CD163L1: variants seen among roughly 807,000 people sequenced by gnomAD.
CD163L1 encodes the protein CD163 molecule like 1.
Under a neutral mutation model 165.4 loss-of-function variants are expected in CD163L1, and 124 were observed. That is an observed-to-expected ratio of 0.75 (90% CI 0.65 to 0.87). CD163L1 has a LOEUF of 0.87. Ranked by LOEUF, CD163L1 falls within the 40% of genes least tolerant of loss-of-function variation. The pLI is 0.00. For synonymous variants in CD163L1, 585 were observed against 662.2 expected (o/e 0.88, Z 1.79); for missense variants, 1,525 against 1,799.9 (o/e 0.85, Z 2.76).
chr12:7,402,176 C>T (rs147927157), intron 6 of CD163L1, among the ~76,000 whole-genome samples: 135 of 152,014 alleles, frequency 8.9e-4, no homozygotes, highest in African/African-American at 3.1e-3. Context: ...ACAGCCTAAA[C>T]ACCAAGAATA....
chr12:7,421,579 A>G (rs1591955730), intron 4 of CD163L1, among the ~76,000 whole-genome samples: 1 of 128,994 alleles, frequency 7.8e-6, no homozygotes, highest in African/African-American at 3.0e-5. Context: ...ATATACATGT[A>G]CATATATACA....
chr12:7,323,753 A>C, the CD163L1 span, among the ~76,000 whole-genome samples: 1 of 152,232 alleles, frequency 6.6e-6, no homozygotes, highest in Non-Finnish European at 1.5e-5. Flanking sequence ...TGCAGTGGTT[A>C]TCCTCAGAAA....
intron 19 of CD163L1, among the ~76,000 whole-genome samples, chr12:7,356,358 T>C (rs921224926): frequency 2.0e-5 from 3 of 152,150 alleles, no homozygotes; most frequent in African/African-American, 7.2e-5. Flanking sequence ...GTACTTTGCC[T>C]CTGGTTTTTC....
At chr12:7,367,836 G>T (rs1410385851) in intron 17 of CD163L1, among the ~76,000 whole-genome samples, 1 of 152,186 alleles carries the variant, frequency 6.6e-6, no homozygotes, top group Non-Finnish European at 1.5e-5. Context: ...TATCAGCTAA[G>T]ATATTTGCCT....
chr12:7,433,433 T>C lies in CD163L1; in HGVS notation c.386A>G (p.His129Arg). The C allele has an allele frequency of 2.5e-6, 4 of 1,612,672 alleles. No individual in the cohort carries two copies. The highest frequency in any genetic ancestry group is 3.4e-6 in the Non-Finnish European group (4 of 1,179,188). Reference protein sequence around the residue: ...GNESALWECQHREWGSHNCYH... With the variant: ...GNESALWECQRREWGSHNCYH... ...ACAGTTATGGCTTCCCCATTCCCGGTGTTGACATTCCCAGAGAGCTGACTC... is the reference window on the plus strand; with the variant it reads ...ACAGTTATGGCTTCCCCATTCCCGGCGTTGACATTCCCAGAGAGCTGACTC... The change falls in exon 3 of 20, where the codon CAC (histidine) becomes CGC (arginine). Residue 129 changes from histidine to arginine, a missense_variant. Coordinates refer to ENST00000313599, the MANE Select transcript of CD163L1 (RefSeq NM_174941.6).
At chr12:7,373,215 T>G in intron 14 of CD163L1, 105 bp downstream of exon 14, 4 of 940,006 alleles carry the variant, frequency 4.3e-6, no homozygotes, top group Non-Finnish European at 6.4e-6. Context: ...GTCATGCACT[T>G]TTCAGTGAGT....
chr12:7,333,967 A>G, the CD163L1 span, among the ~76,000 whole-genome samples: 11 of 152,032 alleles, frequency 7.2e-5, no homozygotes, highest in African/African-American at 2.4e-4. Flanking sequence ...GAATAGACCA[A>G]TAACAGGCTC....
At position 7,406,744 on chromosome 12, in the gene CD163L1, T is replaced by C; in HGVS notation, c.875A>G (p.Asn292Ser). ...GCATACGACATCAGCTGCAGCATTG[T>C]TCCACTTATGGTGGCATACGGTCCC... Reference protein sequence around the residue: ...RWGTVCHHKWNNAAADVVCKQ... With the variant: ...RWGTVCHHKWSNAAADVVCKQ... Residue 292 changes from asparagine to serine, a missense_variant, in exon 5 of 20, where the codon AAC (asparagine) becomes AGC (serine). Coordinates refer to ENST00000313599, the MANE Select transcript of CD163L1 (RefSeq NM_174941.6). The C allele has an allele frequency of 6.2e-7, 1 of 1,614,040 alleles. No individual in the cohort carries two copies. Among genetic ancestry groups the C allele is most frequent in the Non-Finnish European group, 8.5e-7 (1 of 1,179,984 alleles).
At chr12:7,383,057 C>T (rs901822824) in intron 8 of CD163L1, among the ~76,000 whole-genome samples, 3 of 152,158 alleles carry the variant, frequency 2.0e-5, no homozygotes, top group South Asian at 2.1e-4. Context: ...CCCACTTCCT[C>T]GCAGCAGCAG....
intron 5 of CD163L1, among the ~76,000 whole-genome samples, chr12:7,404,265 A>G (rs1054558340): frequency 2.6e-5 from 4 of 152,196 alleles, no homozygotes; most frequent in African/African-American, 9.7e-5. Context: ...AAAATAAAAT[A>G]GTGTTGGGAA....
the CD163L1 span, chr12:7,328,348 G>A: frequency 1.3e-6 from 2 of 1,593,990 alleles, no homozygotes; most frequent in Admixed American, 1.7e-5. Flanking sequence ...AACGTTTTAA[G>A]AGACCAAGAA....
chr12:7,344,981 G>A (rs1424399046), downstream of CD163L1, among the ~76,000 whole-genome samples: 1 of 152,224 alleles, frequency 6.6e-6, no homozygotes, highest in Non-Finnish European at 1.5e-5. Context: ...CTGGGCTTGT[G>A]ATGGGAGGGG....
At chr12:7,332,179 A>G in the CD163L1 span, among the ~76,000 whole-genome samples, 1 of 152,236 alleles carries the variant, frequency 6.6e-6, no homozygotes, top group Admixed American at 6.5e-5. Flanking sequence ...AAGAAAGGGT[A>G]TCAGCAATGG....
rs748292355 is a variant in CD163L1, at chr12:7,433,700, A to G, written c.125-6T>C. 5.6e-6 allele frequency: 9 copies of G among 1,596,970 alleles called. No individual in the cohort carries two copies. The highest frequency in any genetic ancestry group is 3.3e-4 in the Middle Eastern group (2 of 6,006). On this transcript the variant is annotated splice_region_variant and splice_polypyrimidine_tract_variant and intron_variant, in intron 2 of 19. Transcript: ENST00000313599. The stretch of plus-strand genomic sequence containing the variant: ...CAACTCCAAATCTGTTCCATCTGCA[A>G]GAAAGACAGAAACATACATTAGAGA...
intron 4 of CD163L1, among the ~76,000 whole-genome samples, chr12:7,407,299 T>C (rs1948044841): frequency 1.3e-5 from 2 of 152,094 alleles, no homozygotes; most frequent in Admixed American, 1.3e-4. Context: ...ATTTCAAAAA[T>C]TTTTCTTCCT....
chr12:7,369,289 A>G lies in CD163L1; in HGVS notation c.4039+68T>C, dbSNP rs915091601. ...TATCTTCAGCTCAACTCTCTGAGTG[A>G]GCCTGTTTCCCAGTGTTCTCTACCA... On this transcript the variant is annotated intron_variant, in intron 15 of 19. Transcript: ENST00000313599. The surrounding 1 kb of genome is among the most constrained non-coding windows in gnomAD (Gnocchi z 4.9). 1.3e-5 allele frequency: 19 copies of G among 1,489,938 alleles called. No individual in the cohort carries two copies. The highest frequency in any genetic ancestry group is 1.7e-5 in the Non-Finnish European group (19 of 1,086,404). The allele number at this position is 1,489,938 out of a possible 1,614,324, so 92.3% of individuals were successfully genotyped here.
In CD163L1 at chr12:7,398,264, C is replaced by T. The variant is rs1947819259; in HGVS notation, c.1729G>A (p.Gly577Ser). ...AATAATAAACAAGAACAAGTCTTACCTGAGCAGGTTACAATCACATCCTCT... is the reference window on the plus strand; with the variant it reads ...AATAATAAACAAGAACAAGTCTTACTTGAGCAGGTTACAATCACATCCTCT... ...HREDVIVTCS[G>S]DATWGLRLVG... is the part of the protein sequence containing the mutation. Residue 577 changes from glycine to serine, a missense_variant and splice_region_variant, in exon 7 of 20, where the codon GGT (glycine) becomes AGT (serine). By Grantham distance (56) the Gly-to-Ser change is moderately conservative (BLOSUM62 0). Transcript: ENST00000313599. The surrounding 1 kb of genome is among the most constrained non-coding windows in gnomAD (Gnocchi z 4.5). 1 of 1,611,080 alleles carries T rather than the reference C, an allele frequency of 6.2e-7. No homozygotes were observed. The highest frequency in any genetic ancestry group is 1.7e-5 in the Admixed American group (1 of 59,854).
downstream of CD163L1, among the ~76,000 whole-genome samples, chr12:7,342,745 T>A (rs754807979): frequency 6.6e-6 from 1 of 152,334 alleles, no homozygotes; most frequent in African/African-American, 2.4e-5. Context: ...GCAATCCCCC[T>A]GTCTCTGCCT....
At chr12:7,431,392 G>C (rs1187636738) in intron 4 of CD163L1, among the ~76,000 whole-genome samples, 1 of 151,392 alleles carries the variant, frequency 6.6e-6, no homozygotes, top group African/African-American at 2.4e-5. Context: ...ACTCCAGCCT[G>C]GGCAACAGCC....
Sources: allele counts gnomAD v4.1 joint callset (sites outside exome capture counted in the v4.1 genomes callset), GRCh38; gene constraint gnomAD v4.1.1; non-coding constraint Gnocchi (gnomAD v3.1); transcripts MANE v1.5; gene names NCBI Gene and HGNC (gene_info 2026-07-23, HGNC 2026-07-21).